The following SRGAP2 variants were observed in gnomAD, a reference collection of about 807,000 sequenced individuals.
The protein encoded by SRGAP2 is SLIT-ROBO Rho GTPase activating protein 2.
SRGAP2 carries 15 observed loss-of-function variants against 57.2 expected under a neutral mutation model. That is an observed-to-expected ratio of 0.26 (90% CI 0.18 to 0.40). SRGAP2 has a LOEUF of 0.40. Ranked by LOEUF, SRGAP2 falls within the 10% of genes least tolerant of loss-of-function variation. SRGAP2 has a pLI of 1.00. For synonymous variants in SRGAP2, 249 were observed against 248.0 expected (o/e 1.00, Z -0.04); for missense variants, 520 against 669.6 (o/e 0.78, Z 2.47).
At chr1:206,437,588 C>T (rs782145316) in intron 15 of SRGAP2, 27 of 203,938 alleles carry the variant, frequency 1.3e-4, no homozygotes, top group Non-Finnish European at 2.6e-4. Flanking sequence ...GACGTGAGAG[C>T]CAGTCTCAGG....
chr1:206,306,405 T>C (rs1175391638), intron 3 of SRGAP2, among the ~76,000 whole-genome samples: 3 of 152,144 alleles, frequency 2.0e-5, no homozygotes, highest in African/African-American at 7.2e-5. Flanking sequence ...GGTGGGCTTG[T>C]GGCCTCGCTG....
At chr1:206,317,842 T>C (rs1673168368) in intron 3 of SRGAP2, among the ~76,000 whole-genome samples, 1 of 150,462 alleles carries the variant, frequency 6.6e-6, no homozygotes, top group South Asian at 2.1e-4. Context: ...CCTTGGGTTT[T>C]AAATTCAGGG....
intron 17 of SRGAP2, among the ~76,000 whole-genome samples, chr1:206,441,212 G>C (rs782466853): frequency 6.6e-6 from 1 of 152,214 alleles, no homozygotes; most frequent in African/African-American, 2.4e-5. Context: ...TGAGGCACTT[G>C]TGAGATGTCC....
At chr1:206,436,867 A>G in intron 14 of SRGAP2, 98 bp from the exon 15 acceptor site, 2 of 758,390 alleles carry the variant, frequency 2.6e-6, no homozygotes, top group Non-Finnish European at 5.0e-6. Flanking sequence ...GTGCTTAAAT[A>G]CATGCTGGCT....
intron 3 of SRGAP2, among the ~76,000 whole-genome samples, chr1:206,329,835 A>G (rs1674220982): frequency 6.9e-6 from 1 of 144,040 alleles, no homozygotes; most frequent in South Asian, 2.3e-4. Flanking sequence ...AGAACTTCCA[A>G]CACTATGTTG....
chr1:206,355,816 A>G (rs1440410916), intron 4 of SRGAP2, among the ~76,000 whole-genome samples: 4 of 152,092 alleles, frequency 2.6e-5, no homozygotes, highest in Non-Finnish European at 4.4e-5. Flanking sequence ...AAAATACAGA[A>G]ATTAGCCAGG....
At chr1:206,418,902 G>C (rs551516372) in intron 11 of SRGAP2, among the ~76,000 whole-genome samples, 3,727 of 148,338 alleles carry the variant, frequency 0.025, 166 homozygotes, top group African/African-American at 0.087. Flanking sequence ...GTGTGTGTGT[G>C]TGTGTGTGTG....
intron 21 of SRGAP2, among the ~76,000 whole-genome samples, chr1:206,457,415 G>A (rs537357150): frequency 2.4e-4 from 36 of 152,330 alleles, no homozygotes; most frequent in Middle Eastern, 3.4e-3. Context: ...AAGGTACAGA[G>A]GAGGGAGGGG....
intron 3 of SRGAP2, among the ~76,000 whole-genome samples, chr1:206,339,145 C>A (rs1451562833): frequency 6.7e-6 from 1 of 149,702 alleles, no homozygotes; most frequent in Non-Finnish European, 1.5e-5. Context: ...AAAGTTGAGT[C>A]ACTATCATCA....
At chr1:206,250,139 T>G (rs1421142985) in intron 2 of SRGAP2, among the ~76,000 whole-genome samples, 1 of 151,318 alleles carries the variant, frequency 6.6e-6, no homozygotes, top group African/African-American at 2.4e-5. Context: ...AAGCCACAGA[T>G]TTAGCGTTAT....
chr1:206,414,444 A>T (rs1553360720), intron 10 of SRGAP2, among the ~76,000 whole-genome samples: 1 of 152,246 alleles, frequency 6.6e-6, no homozygotes, highest in Admixed American at 6.5e-5. Context: ...AAAGACAGAC[A>T]GAACTATTAC....
intron 5 of SRGAP2, among the ~76,000 whole-genome samples, chr1:206,385,852 G>C (rs1553348321): frequency 1.3e-5 from 2 of 152,120 alleles, no homozygotes; most frequent in African/African-American, 4.8e-5. Flanking sequence ...TCTTCCCATT[G>C]ATGTTCAAAC....
chr1:206,266,347 G>A (rs1234528528), intron 2 of SRGAP2, among the ~76,000 whole-genome samples: 1 of 151,826 alleles, frequency 6.6e-6, no homozygotes, highest in African/African-American at 2.4e-5. Context: ...GGTTTCAAGC[G>A]ATTCTCTTGC....
intron 18 of SRGAP2, among the ~76,000 whole-genome samples, 165 bp from the exon 19 acceptor site, chr1:206,450,221 T>C (rs1321928742): frequency 6.6e-6 from 1 of 152,358 alleles, no homozygotes; most frequent in East Asian, 1.9e-4. Flanking sequence ...GGAAAAACTC[T>C]AGAGCTTTGT....
chr1:206,295,348 C>T (rs1671533211), intron 2 of SRGAP2, among the ~76,000 whole-genome samples: 1 of 152,138 alleles, frequency 6.6e-6, no homozygotes, highest in African/African-American at 2.4e-5. Flanking sequence ...CTCACCCTCC[C>T]AAGTAGCTAG....
chr1:206,460,819 T>G (rs1553380198), intron 22 of SRGAP2, among the ~76,000 whole-genome samples: 1 of 28,256 alleles, frequency 3.5e-5, no homozygotes, highest in African/African-American at 1.1e-4. Context: ...TCAATTACTT[T>G]TTCTAAAGGA....
At chr1:206,343,507 TTAGCAA>T (rs1269899901) in intron 4 of SRGAP2, among the ~76,000 whole-genome samples, 1 of 141,600 alleles carries the variant, frequency 7.1e-6, no homozygotes, top group East Asian at 2.2e-4. Context: ...TCTAGTTCAT[TTAGCAA>T]ACTCATATAC....
At chr1:206,396,052 G>T (rs868943681) in intron 7 of SRGAP2, among the ~76,000 whole-genome samples, 2 of 145,028 alleles carry the variant, frequency 1.4e-5, no homozygotes, top group East Asian at 2.0e-4. Context: ...GTGCGATCTC[G>T]GCTCACTGCA....
At chr1:206,416,945 AGT>A (rs1659767335) in intron 11 of SRGAP2, among the ~76,000 whole-genome samples, 1 of 152,346 alleles carries the variant, frequency 6.6e-6, no homozygotes, top group South Asian at 2.1e-4. Context: ...AGTTTAGGAA[AGT>A]GTGCAATACT....
Sources: allele counts gnomAD v4.1 joint callset (sites outside exome capture counted in the v4.1 genomes callset), GRCh38; gene constraint gnomAD v4.1.1; transcripts MANE v1.5; gene names NCBI Gene and HGNC (gene_info 2026-07-23, HGNC 2026-07-21).